The following PHF24 variants were observed in gnomAD, a reference collection of about 807,000 sequenced individuals.
PHF24 encodes the protein PHD finger protein 24.
A neutral mutation model predicts 42.6 loss-of-function variants in PHF24; 25 were observed. That is an observed-to-expected ratio of 0.59 (90% CI 0.43 to 0.82). PHF24 has a LOEUF of 0.82. Among genes scored for constraint, PHF24 ranks in the 40% least tolerant of loss-of-function variants. PHF24 has a pLI of 0.00. For synonymous variants in PHF24, 185 were observed against 204.8 expected (o/e 0.90, Z 0.83); for missense variants, 470 against 538.1 (o/e 0.87, Z 1.25).
chr9:34,939,404 G>T, the PHF24 span, among the ~76,000 whole-genome samples: 56 of 152,332 alleles, frequency 3.7e-4, 1 homozygote, highest in African/African-American at 1.1e-3. Flanking sequence ...GCCTGCAAAA[G>T]GTAATTGGGA....
At chr9:34,797,602 T>C in the PHF24 span, among the ~76,000 whole-genome samples, 1 of 152,132 alleles carries the variant, frequency 6.6e-6, no homozygotes, top group Non-Finnish European at 1.5e-5. Context: ...GTCTCTGTCG[T>C]GTGCCCTTCT....
At chr9:34,881,646 C>T in the PHF24 span, among the ~76,000 whole-genome samples, 1 of 152,100 alleles carries the variant, frequency 6.6e-6, no homozygotes, top group East Asian at 1.9e-4. Context: ...ATACACCCTC[C>T]CAAGACTAAA....
chr9:34,884,167 A>T, the PHF24 span, among the ~76,000 whole-genome samples: 38 of 152,310 alleles, frequency 2.5e-4, no homozygotes, highest in African/African-American at 8.4e-4. Context: ...TTGAACAATG[A>T]AAACACTTGG....
intron 1 of PHF24, among the ~76,000 whole-genome samples, chr9:34,961,239 T>C (rs1319705888): frequency 6.6e-6 from 1 of 152,238 alleles, no homozygotes; most frequent in African/African-American, 2.4e-5. Flanking sequence ...GCTTCTGCTA[T>C]CTTCATGTCC....
chr9:34,760,055 A>G, the PHF24 span, among the ~76,000 whole-genome samples: 2 of 152,156 alleles, frequency 1.3e-5, no homozygotes, highest in African/African-American at 4.8e-5. Flanking sequence ...ATGGATCATC[A>G]CATTTGCCCT....
At chr9:34,777,040 G>C in the PHF24 span, among the ~76,000 whole-genome samples, 1 of 152,200 alleles carries the variant, frequency 6.6e-6, no homozygotes, top group South Asian at 2.1e-4. Flanking sequence ...TATTAGAGGA[G>C]GCAGTGAAGA....
At chr9:34,784,769 G>A in the PHF24 span, among the ~76,000 whole-genome samples, 43 of 152,246 alleles carry the variant, frequency 2.8e-4, 1 homozygote, top group African/African-American at 1.0e-3. Flanking sequence ...TAAGACATAT[G>A]TTTTCTTAGT....
chr9:34,902,241 T>G, the PHF24 span, among the ~76,000 whole-genome samples: 1 of 152,244 alleles, frequency 6.6e-6, no homozygotes, highest in African/African-American at 2.4e-5. Flanking sequence ...ATATTCTTAT[T>G]CTTGTATAAA....
At chr9:34,822,746 G>T in the PHF24 span, among the ~76,000 whole-genome samples, 1 of 152,202 alleles carries the variant, frequency 6.6e-6, no homozygotes, top group African/African-American at 2.4e-5. Context: ...GATATCATCA[G>T]AGTACAGCCA....
the PHF24 span, among the ~76,000 whole-genome samples, chr9:34,733,324 T>C: frequency 1.3e-5 from 2 of 152,182 alleles, no homozygotes; most frequent in African/African-American, 4.8e-5. Context: ...CACAGATTAT[T>C]GGGCAAAAAT....
the PHF24 span, among the ~76,000 whole-genome samples, chr9:34,935,539 A>G: frequency 1.3e-5 from 2 of 150,274 alleles, no homozygotes; most frequent in African/African-American, 2.4e-5. Context: ...GGTTGCAGTG[A>G]ACCAAGACTG....
At chr9:34,691,984 C>A in the PHF24 span, among the ~76,000 whole-genome samples, 1 of 152,074 alleles carries the variant, frequency 6.6e-6, no homozygotes, top group African/African-American at 2.4e-5. Flanking sequence ...GTCCTGGGAA[C>A]CAAGAGGGGA....
At chr9:34,692,784 C>T in the PHF24 span, among the ~76,000 whole-genome samples, 1 of 128,388 alleles carries the variant, frequency 7.8e-6, no homozygotes, top group African/African-American at 2.6e-5. Context: ...CTTCTTTTGT[C>T]CTTTTTTTTT....
chr9:34,735,139 TTTTTTTTTTTTTTTGAGACGGAGTC>T, the PHF24 span, among the ~76,000 whole-genome samples: 1 of 147,056 alleles, frequency 6.8e-6, no homozygotes, highest in South Asian at 2.2e-4. Flanking sequence ...TTTTCTTTTT[TTTTTTTTTTTTTTTGAGACGGAGTC>T]TCACTTTGTC....
the PHF24 span, among the ~76,000 whole-genome samples, chr9:34,929,983 AT>A: frequency 6.6e-6 from 1 of 152,226 alleles, no homozygotes; most frequent in Non-Finnish European, 1.5e-5. Flanking sequence ...TTCATGCTTA[AT>A]TTGTCTATAA....
chr9:34,770,583 C>A, the PHF24 span, among the ~76,000 whole-genome samples: 112 of 151,966 alleles, frequency 7.4e-4, 1 homozygote, highest in African/African-American at 2.6e-3. Context: ...TAACACATAC[C>A]CTTTGTGTGT....
the PHF24 span, among the ~76,000 whole-genome samples, chr9:34,779,407 A>C: frequency 6.6e-6 from 1 of 152,170 alleles, no homozygotes; most frequent in African/African-American, 2.4e-5. Context: ...GGATCAGAAG[A>C]CTTAATATTG....
chr9:34,981,151 C>G (rs1827377273), exon 8 of PHF24: 1 of 152,234 alleles, frequency 6.6e-6, no homozygotes, highest in African/African-American at 2.4e-5. Context: ...TTGAGGACAC[C>G]TACAGTAGAA....
chr9:34,696,826 A>G, the PHF24 span, among the ~76,000 whole-genome samples: 2 of 152,136 alleles, frequency 1.3e-5, no homozygotes, highest in Non-Finnish European at 2.9e-5. Flanking sequence ...CCCTTCCGTT[A>G]GATAATAACT....
Sources: allele counts gnomAD v4.1 joint callset (sites outside exome capture counted in the v4.1 genomes callset), GRCh38; gene constraint gnomAD v4.1.1; transcripts MANE v1.5; gene names NCBI Gene and HGNC (gene_info 2026-07-23, HGNC 2026-07-21).